The following TMED3 variants were observed in gnomAD, a reference collection of about 807,000 sequenced individuals.
TMED3 encodes transmembrane p24 trafficking protein 3.
TMED3 carries 9 observed loss-of-function variants against 15.0 expected under a neutral mutation model. The observed-to-expected ratio is 0.60, with a 90% CI of 0.36 to 1.04. The LOEUF is 1.04. TMED3 is among the 50% of genes least tolerant of loss of function. The probability of loss-of-function intolerance (pLI) is 0.01; values close to 1 mark genes in which losing one functional copy is unlikely to be tolerated. For synonymous variants in TMED3, 117 were observed against 121.4 expected (o/e 0.96, Z 0.24); for missense variants, 267 against 278.9 (o/e 0.96, Z 0.30).
intron 2 of TMED3, among the ~76,000 whole-genome samples, chr15:79,391,093 T>C (rs1893690288): frequency 6.6e-6 from 1 of 152,096 alleles, no homozygotes; most frequent in Admixed American, 6.6e-5. Flanking sequence ...TTAGTTCTGC[T>C]CTGATCCTGG....
intron 2 of TMED3, among the ~76,000 whole-genome samples, chr15:79,329,917 C>T (rs1016052295): frequency 4.6e-5 from 7 of 152,058 alleles, no homozygotes; most frequent in Admixed American, 6.5e-5. Flanking sequence ...AACAAGAAGT[C>T]ATAAAAAGAA....
intron 2 of TMED3, among the ~76,000 whole-genome samples, chr15:79,376,885 A>G (rs1893434525): frequency 6.6e-6 from 1 of 152,154 alleles, no homozygotes; most frequent in African/African-American, 2.4e-5. Context: ...CTTCCATTCA[A>G]ATAGCCTCAG....
chr15:79,377,273 T>TGTGC (rs1893442412), intron 2 of TMED3, among the ~76,000 whole-genome samples: 1 of 15,498 alleles, frequency 6.5e-5, no homozygotes, highest in African/African-American at 1.9e-4. Flanking sequence ...TGTGTGCATG[T>TGTGC]GTGTGTGTGT....
At chr15:79,350,619 T>C (rs12438689) in intron 2 of TMED3, among the ~76,000 whole-genome samples, 90,629 of 151,952 alleles carry the variant, frequency 0.6, 27,848 homozygotes, top group African/African-American at 0.74. Context: ...AAATGGTGCC[T>C]ACCCAGGTTG....
intron 2 of TMED3, among the ~76,000 whole-genome samples, chr15:79,354,189 C>A (rs868811132): frequency 3.9e-5 from 6 of 151,942 alleles, no homozygotes; most frequent in Admixed American, 2.6e-4. Flanking sequence ...TGCAAAGTTC[C>A]CAGTATTCTT....
chr15:79,400,813 G>C (rs888891947), intron 2 of TMED3, among the ~76,000 whole-genome samples: 15 of 152,164 alleles, frequency 9.9e-5, no homozygotes, highest in Admixed American at 5.2e-4. Flanking sequence ...TTCCACGTCT[G>C]ATCTTCCACA....
intron 2 of TMED3, among the ~76,000 whole-genome samples, chr15:79,407,675 T>C (rs1313739282): frequency 1.3e-5 from 2 of 152,202 alleles, no homozygotes; most frequent in Non-Finnish European, 2.9e-5. Context: ...CATTTGTTTA[T>C]GTATTGCCTA....
rs573508267 is a variant in TMED3, at chr15:79,364,675, AAG to A, written c.418-46719_418-46718del. On this transcript the variant is annotated intron_variant, in intron 2 of 2. Transcript: ENST00000424155. ...GAATGGTGGAACGACACAGCAGAGA[AAG>A]AGAGAAGAGGAGGAATGTCTGAACA... Among the ~76,000 whole-genome samples, 264 of 151,914 alleles carry A rather than the reference AAG, an allele frequency of 1.7e-3. 1 individual carries two copies. Among genetic ancestry groups the A allele is most frequent in the Non-Finnish European group, 2.9e-3 (200 of 67,958 alleles).
intron 1 of TMED3, among the ~76,000 whole-genome samples, chr15:79,311,621 A>C: frequency 6.6e-6 from 1 of 152,170 alleles, no homozygotes; most frequent in East Asian, 1.9e-4. Context: ...GAGCCTGGCC[A>C]GCGAGGAGGT....
chr15:79,383,091 G>A, intron 2 of TMED3: 1 of 1,475,304 alleles, frequency 6.8e-7, no homozygotes, highest in Non-Finnish European at 9.2e-7. Flanking sequence ...ATGGCTCTTT[G>A]CCTGTAGATC....
At chr15:79,404,930 A>G (rs1893883286) in intron 2 of TMED3, among the ~76,000 whole-genome samples, 1 of 152,180 alleles carries the variant, frequency 6.6e-6, no homozygotes, top group Non-Finnish European at 1.5e-5. Flanking sequence ...TGTTAATCAT[A>G]GGGACCCCTC....
Position 79,311,138 on chromosome 15 carries a change from G to C in TMED3, c.-112G>C. 3.2e-6 allele frequency: 4 copies of C among 1,232,432 alleles called. No homozygotes were observed. In the South Asian group the frequency reaches 6.5e-5, roughly 20 times the overall value. The allele number at this position is 1,232,432 out of a possible 1,614,324, so 76.3% of individuals were successfully genotyped here. The stretch of plus-strand genomic sequence containing the variant: ...CTCCCGGAAGCGCAGAGCTCCGCTG[G>C]TGCCACGTCTATCCCCTTACATCCT... On this transcript the variant is annotated 5_prime_UTR_variant, in exon 1 of 3. Coordinates refer to ENST00000299705, the MANE Select transcript of TMED3 (RefSeq NM_007364.4).
intron 2 of TMED3, among the ~76,000 whole-genome samples, chr15:79,320,674 TTAG>T (rs1301414966): frequency 1.3e-5 from 2 of 152,198 alleles, no homozygotes; most frequent in African/African-American, 2.4e-5. Context: ...ACATGGTGGT[TTAG>T]AGGCTGCCTC....
At chr15:79,389,956 T>C (rs1054984814) in intron 2 of TMED3, among the ~76,000 whole-genome samples, 5 of 152,202 alleles carry the variant, frequency 3.3e-5, no homozygotes, top group African/African-American at 1.2e-4. Context: ...GAACCTTTGT[T>C]GAATTCCTTT....
At chr15:79,339,845 G>C (rs1030773797) in intron 2 of TMED3, among the ~76,000 whole-genome samples, 9 of 151,616 alleles carry the variant, frequency 5.9e-5, no homozygotes, top group African/African-American at 2.2e-4. Flanking sequence ...TGATGATGGT[G>C]GTGATTAGGA....
intron 2 of TMED3, among the ~76,000 whole-genome samples, chr15:79,400,280 C>G (rs997685139): frequency 3.3e-5 from 5 of 152,192 alleles, no homozygotes; most frequent in African/African-American, 1.2e-4. Context: ...AAATCAGTCA[C>G]TTCTGTTATT....
intron 2 of TMED3, among the ~76,000 whole-genome samples, chr15:79,321,400 TATGTGTCTTTGC>T (rs1437214505): frequency 2.0e-5 from 3 of 152,260 alleles, no homozygotes; most frequent in Non-Finnish European, 4.4e-5. Flanking sequence ...TGTTTATATA[TATGTGTCTTTGC>T]ATGTGTGTGC....
At chr15:79,330,795 G>T (rs1226949158) in intron 2 of TMED3, among the ~76,000 whole-genome samples, 3 of 152,164 alleles carry the variant, frequency 2.0e-5, no homozygotes, top group African/African-American at 4.8e-5. Context: ...CTGCAAAGCT[G>T]TAGTAACCAA....
chr15:79,376,092 G>GTTT lies in TMED3; in HGVS notation c.418-35275_418-35273dup, dbSNP rs199728545. 2.5e-3 allele frequency among the ~76,000 whole-genome samples: 278 copies of GTTT among 112,036 alleles called. 15 individuals carry two copies. Among genetic ancestry groups the GTTT allele is most frequent in the Middle Eastern group, 0.017 (3 of 176 alleles). The allele number at this position is 112,036 out of a possible 152,430, so 73.5% of individuals were successfully genotyped here. ...CTTACTTCATCTATTCTAGAGAAAGGTTTTTTTTTTTTTTTTTTTTTTTTT... is the reference window on the plus strand; with the variant it reads ...CTTACTTCATCTATTCTAGAGAAAGGTTTTTTTTTTTTTTTTTTTTTTTTTTTT... On this transcript the variant is annotated intron_variant, in intron 2 of 2. Transcript: ENST00000424155.
Sources: allele counts gnomAD v4.1 joint callset (sites outside exome capture counted in the v4.1 genomes callset), GRCh38; gene constraint gnomAD v4.1.1; transcripts MANE v1.5; gene names NCBI Gene and HGNC (gene_info 2026-07-23, HGNC 2026-07-21).